The following RNF180 variants were observed in gnomAD, a reference collection of about 807,000 sequenced individuals.
RNF180 encodes the protein ring finger protein 180, also known as E3 ubiquitin-protein ligase RNF180.
In RNF180, 38 loss-of-function variants were observed where a neutral mutation model predicts 59.2. The observed-to-expected ratio is 0.64, with a 90% CI of 0.50 to 0.84. RNF180 has a LOEUF of 0.84. Among genes scored for constraint, RNF180 ranks in the 40% least tolerant of loss-of-function variants. RNF180 has a pLI of 0.00. For missense variants in RNF180, 705 were observed against 700.9 expected (o/e 1.01, Z -0.07); for synonymous variants, 262 against 240.3 (o/e 1.09, Z -0.84).
chr5:64,350,588 A>T (rs1745759928), intron 7 of RNF180, among the ~76,000 whole-genome samples: 1 of 152,158 alleles, frequency 6.6e-6, no homozygotes, highest in Admixed American at 6.6e-5. Context: ...TTTTTGTATA[A>T]GGTATAAGGA....
rs1392593537 is a variant in RNF180 at position 64,372,216 on chromosome 5, T to C, written c.*2402T>C. On this transcript the variant is annotated 3_prime_UTR_variant, in exon 8 of 8. Coordinates refer to ENST00000389100, the MANE Select transcript of RNF180 (RefSeq NM_001113561.2). ...AAAAAATGCCCTAATTGAGGTATAT[T>C]TCTGAATAGTTTCAGCAGGTTATTT... 1 of 151,812 alleles carries C rather than the reference T, an allele frequency of 6.6e-6. No individual in the cohort carries two copies. Among genetic ancestry groups the C allele is most frequent in the East Asian group, 1.9e-4 (1 of 5,168 alleles). The allele number at this position is 151,812 out of a possible 1,614,324, so 9.4% of individuals were successfully genotyped here.
chr5:64,296,212 T>C (rs1474544771), intron 5 of RNF180, among the ~76,000 whole-genome samples: 4 of 152,132 alleles, frequency 2.6e-5, no homozygotes, highest in Non-Finnish European at 5.9e-5. Flanking sequence ...ACTACTAACA[T>C]ACCATGATTA....
intron 7 of RNF180, among the ~76,000 whole-genome samples, chr5:64,348,560 A>G (rs1034662483): frequency 6.6e-6 from 1 of 152,114 alleles, no homozygotes; most frequent in African/African-American, 2.4e-5. Flanking sequence ...TTGGAAACAC[A>G]AGCAGCAGAG....
chr5:64,166,080 C>T (rs1248108439), intron 1 of RNF180, 127 bp downstream of exon 1: 1 of 152,210 alleles, frequency 6.6e-6, no homozygotes, highest in South Asian at 2.1e-4. Flanking sequence ...CGGGGACGTG[C>T]CAAGGGGCTG....
At chr5:64,326,711 G>A (rs574638908) in intron 6 of RNF180, among the ~76,000 whole-genome samples, 10 of 152,220 alleles carry the variant, frequency 6.6e-5, no homozygotes, top group South Asian at 2.1e-4. Context: ...GTTGGATTCC[G>A]TTTGCTAGTA....
chr5:64,198,463 C>G (rs767108072), intron 1 of RNF180, among the ~76,000 whole-genome samples: 1 of 152,186 alleles, frequency 6.6e-6, no homozygotes, highest in Non-Finnish European at 1.5e-5. Context: ...AAAGCATTGT[C>G]ACACAGAGTG....
In RNF180 at chr5:64,168,922, C is replaced by T. The variant is rs773489206; in HGVS notation, c.-1+2969C>T. ...ATTCCATAAAATAGAATGCCATGCC[C>T]TAGGCATGGCAGAATAGTTGGTTTT... is the stretch of plus-strand genomic sequence containing the variant. On this transcript the variant is annotated intron_variant, in intron 1 of 7. Coordinates refer to ENST00000389100, the MANE Select transcript of RNF180 (RefSeq NM_001113561.2). 2.6e-5 allele frequency among the ~76,000 whole-genome samples: 4 copies of T among 152,198 alleles called. No individual in the cohort carries two copies. The South Asian group carries it at 8.3e-4, about 32-fold the overall frequency.
intron 1 of RNF180, among the ~76,000 whole-genome samples, chr5:64,191,257 T>G (rs996621125): frequency 1.3e-5 from 2 of 152,224 alleles, no homozygotes; most frequent in African/African-American, 4.8e-5. Flanking sequence ...TCATTAACGT[T>G]TTGTATTAAT....
intron 5 of RNF180, among the ~76,000 whole-genome samples, chr5:64,286,125 T>A (rs1742271295): frequency 6.6e-6 from 1 of 152,206 alleles, no homozygotes; most frequent in African/African-American, 2.4e-5. Context: ...TTACCCTCAA[T>A]GCCTTAGGAA....
chr5:64,194,349 G>T (rs1005815489), intron 1 of RNF180, among the ~76,000 whole-genome samples: 5 of 152,042 alleles, frequency 3.3e-5, no homozygotes, highest in Admixed American at 1.3e-4. Flanking sequence ...CTTTTTTATG[G>T]CTGCATAGTA....
At chr5:64,349,654 T>G (rs1429413874) in intron 7 of RNF180, among the ~76,000 whole-genome samples, 2 of 152,032 alleles carry the variant, frequency 1.3e-5, no homozygotes, top group African/African-American at 2.4e-5. Context: ...GTTCTCATTG[T>G]TCAGTTGCCA....
chr5:64,168,185 A>G (rs1011157137), intron 1 of RNF180, among the ~76,000 whole-genome samples: 1 of 152,110 alleles, frequency 6.6e-6, no homozygotes, highest in Non-Finnish European at 1.5e-5. Context: ...TTTTGTTTCT[A>G]TTTTTTAATC....
At chr5:64,305,474 CTGAA>C (rs1236695826) in intron 5 of RNF180, among the ~76,000 whole-genome samples, 1 of 151,306 alleles carries the variant, frequency 6.6e-6, no homozygotes, top group East Asian at 1.9e-4. Context: ...AGGCATGTTA[CTGAA>C]TTTTTTTTTT....
intron 1 of RNF180, among the ~76,000 whole-genome samples, chr5:64,196,288 A>C (rs1009146882): frequency 2.0e-5 from 3 of 152,124 alleles, no homozygotes; most frequent in Admixed American, 1.3e-4. Context: ...TAATAGGGCA[A>C]ATAGCATCAT....
intron 7 of RNF180, among the ~76,000 whole-genome samples, chr5:64,363,653 A>G (rs1236438249): frequency 6.6e-6 from 1 of 151,846 alleles, no homozygotes. Flanking sequence ...TAGGAACAGC[A>G]TTGAATCTGT....
At chr5:64,197,630 A>G (rs1751522512) in intron 1 of RNF180, among the ~76,000 whole-genome samples, 2 of 152,178 alleles carry the variant, frequency 1.3e-5, no homozygotes, top group Non-Finnish European at 2.9e-5. Context: ...CTTTTTAAAA[A>G]TATTCTTTGT....
rs537707253 is a variant in RNF180, at chr5:64,276,376, T to G, written c.1228-48810T>G. On this transcript the variant is annotated intron_variant, in intron 5 of 7. Coordinates refer to ENST00000389100, the MANE Select transcript of RNF180 (RefSeq NM_001113561.2). ...TGTGTGTGTACAAAAACCACATTGG[T>G]GTGTGTGTGTGTGTGTTTATTTATT... 1.1e-3 allele frequency among the ~76,000 whole-genome samples: 152 copies of G among 143,862 alleles called. 1 individual carries two copies. Among genetic ancestry groups the G allele is most frequent in the Non-Finnish European group, 1.8e-3 (114 of 64,866 alleles). 94.4% of individuals were successfully genotyped at this position (143,862 alleles called of 152,430 possible).
chr5:64,353,943 G>T (rs78856441), intron 7 of RNF180, among the ~76,000 whole-genome samples: 3,199 of 151,436 alleles, frequency 0.021, 53 homozygotes, highest in Middle Eastern at 0.037. Context: ...ACAAAAATAT[G>T]GCATACCGAA....
intron 5 of RNF180, among the ~76,000 whole-genome samples, chr5:64,262,690 T>C (rs1309489522): frequency 6.6e-6 from 1 of 152,144 alleles, no homozygotes; most frequent in African/African-American, 2.4e-5. Flanking sequence ...TCAAGAGACT[T>C]TTCCCTGAGT....
Sources: gnomAD v4.1 joint callset for allele counts (sites outside exome capture counted in the v4.1 genomes callset) on GRCh38, gnomAD v4.1.1 for gene constraint, MANE v1.5 for transcripts, NCBI Gene and HGNC (gene_info 2026-07-23, HGNC 2026-07-21) for gene names.